The following PCDHGA4 variants were observed in gnomAD, a reference collection of about 807,000 sequenced individuals.
PCDHGA4 encodes the protein protocadherin gamma-A4.
In PCDHGA4, 38 loss-of-function variants were observed where a neutral mutation model predicts 54.6. The ratio of observed to expected loss-of-function variants is 0.70; its 90% CI spans 0.54 to 0.91. PCDHGA4 has a LOEUF of 0.91. Among genes scored for constraint, PCDHGA4 ranks in the 40% least tolerant of loss-of-function variants. The pLI, the probability that PCDHGA4 is intolerant of heterozygous loss-of-function variation, is 0.00. For missense variants in PCDHGA4, 1,298 were observed against 1,220.9 expected (o/e 1.06, Z -0.94); for synonymous variants, 511 against 512.9 (o/e 1.00, Z 0.05).
At position 141,486,254 on chromosome 5, in the gene PCDHGA4, G is replaced by A. The variant is rs2099626723; in HGVS notation, c.2515-8553G>A. ...GACCTCAGAGCTTGGAACCCTCCCCGAGAGTGCAGAACCTGGCACTGTGGT... is the reference window on the plus strand; with the variant it reads ...GACCTCAGAGCTTGGAACCCTCCCCAAGAGTGCAGAACCTGGCACTGTGGT... On this transcript the variant is annotated intron_variant, in intron 1 of 3. Transcript: ENST00000571252. This position sits in a 1 kb window ranked among gnomAD's most constrained non-coding sequence, Gnocchi z 5.0. The A allele has an allele frequency of 1.2e-6, 2 of 1,613,992 alleles. No individual in the cohort carries two copies. Among genetic ancestry groups the A allele is most frequent in the Non-Finnish European group, 1.7e-6 (2 of 1,179,982 alleles).
At chr5:141,390,051 A>G in intron 1 of PCDHGA4, 1 of 1,613,978 alleles carries the variant, frequency 6.2e-7, no homozygotes, top group Non-Finnish European at 8.5e-7. Context: ...CGCCTCCTGG[A>G]GCTGCTTCCA....
intron 1 of PCDHGA4, chr5:141,478,557 G>A (rs1316386006): frequency 1.2e-6 from 2 of 1,600,016 alleles, no homozygotes; most frequent in Non-Finnish European, 1.7e-6. Context: ...GTAAGGTTTA[G>A]CAAGTCATGC....
intron 1 of PCDHGA4, among the ~76,000 whole-genome samples, chr5:141,488,351 C>G (rs1467834410): frequency 6.6e-6 from 1 of 152,132 alleles, no homozygotes; most frequent in African/African-American, 2.4e-5. Context: ...AAACAGCCAC[C>G]CTGTGCATCT....
rs779183487 is a variant in PCDHGA4, at chr5:141,430,845, C to T, written c.2515-63962C>T. ...GGGACTCTGTGGGAGACCGGATGCA[C>T]CCAGATACGCTATTCAGTTCCGGAA... On this transcript the variant is annotated intron_variant, in intron 1 of 3. Coordinates refer to ENST00000571252, the MANE Select transcript of PCDHGA4 (RefSeq NM_018917.4). 27 of 1,575,514 alleles carry T rather than the reference C, an allele frequency of 1.7e-5. No individual in the cohort carries two copies. In the African/African-American group the frequency reaches 3.7e-4, roughly 21 times the overall value.
chr5:141,425,695 T>C (rs1329762653), intron 1 of PCDHGA4, among the ~76,000 whole-genome samples: 1 of 152,232 alleles, frequency 6.6e-6, no homozygotes, highest in Non-Finnish European at 1.5e-5. Context: ...TATCATTTCA[T>C]AGTGGTCAAA....
In PCDHGA4 at chr5:141,490,654, C is replaced by A; in HGVS notation, c.2515-4153C>A. On this transcript the variant is annotated intron_variant, in intron 1 of 3. Transcript: ENST00000571252. The surrounding 1 kb of genome is among the most constrained non-coding windows in gnomAD (Gnocchi z 5.4). ...CCTAGAAAACCGGCCTCCGGGCTCC[C>A]TTCTTTGCACTGTGGCTGCCTCAGA... 6.2e-7 allele frequency: 1 copy of A among 1,614,206 alleles called. No individual in the cohort carries two copies. Among genetic ancestry groups the A allele is most frequent in the Non-Finnish European group, 8.5e-7 (1 of 1,180,014 alleles).
At chr5:141,430,985 G>T (rs773308629) in intron 1 of PCDHGA4, 4 of 1,613,780 alleles carry the variant, frequency 2.5e-6, no homozygotes, top group Non-Finnish European at 3.4e-6. Flanking sequence ...GCAGCTTTTC[G>T]CCCTGAATCC....
rs2099450974 is a variant in PCDHGA4 at position 141,478,361 on chromosome 5, G to A, written c.2515-16446G>A. 6 of 1,613,776 alleles carry A rather than the reference G, an allele frequency of 3.7e-6. No individual in the cohort carries two copies. The East Asian group carries it at 1.3e-4, about 36-fold the overall frequency. ...CTCCTTGCACGCGGACGCCGTGCGGGGAGGCCTGATGTCGCCGCACCTTTA... is the reference window on the plus strand; with the variant it reads ...CTCCTTGCACGCGGACGCCGTGCGGAGAGGCCTGATGTCGCCGCACCTTTA... On this transcript the variant is annotated intron_variant, in intron 1 of 3. Coordinates refer to ENST00000571252, the MANE Select transcript of PCDHGA4 (RefSeq NM_018917.4).
Position 141,355,849 on chromosome 5 carries a change from G to A in PCDHGA4, c.742G>A (p.Gly248Arg), listed in dbSNP as rs375626682. 2 of 1,612,420 alleles carry A rather than the reference G, an allele frequency of 1.2e-6. No homozygotes were observed. The highest frequency in any genetic ancestry group is 4.5e-5 in the East Asian group (2 of 44,832). Residue 248 changes from glycine (G) to arginine (R), a missense_variant, in exon 1 of 4, where the codon GGA (glycine) becomes AGA (arginine). By Grantham distance (125) the Gly-to-Arg change is moderately radical. Coordinates refer to ENST00000571252, the MANE Select transcript of PCDHGA4 (RefSeq NM_018917.4). Reference protein sequence around the residue: ...VHHLVLTAFDGGDPVRSGTAR... With the variant: ...VHHLVLTAFDRGDPVRSGTAR... Reference sequence around the variant, plus strand: ...CCACCTCGTTCTCACGGCCTTCGATGGAGGTGACCCGGTTCGCTCTGGCAC... The same window carrying A: ...CCACCTCGTTCTCACGGCCTTCGATAGAGGTGACCCGGTTCGCTCTGGCAC...
At chr5:141,408,974 G>T (rs899313364) in intron 1 of PCDHGA4, 1 of 1,613,690 alleles carries the variant, frequency 6.2e-7, no homozygotes, top group South Asian at 1.1e-5. Flanking sequence ...TCTGCCCCCT[G>T]GGTCCCCTGT....
chr5:141,471,046 C>CTT (rs1170588345), intron 1 of PCDHGA4, among the ~76,000 whole-genome samples: 26 of 113,248 alleles, frequency 2.3e-4, no homozygotes, highest in Non-Finnish European at 3.0e-4. Context: ...CCCAAGCCCT[C>CTT]TTTTTTTTTT....
Position 141,431,559 on chromosome 5 carries a change from C to A in PCDHGA4, c.2515-63248C>A. On this transcript the variant is annotated intron_variant, in intron 1 of 3. Coordinates refer to ENST00000571252, the MANE Select transcript of PCDHGA4 (RefSeq NM_018917.4). The surrounding 1 kb of genome is among the most constrained non-coding windows in gnomAD (Gnocchi z 4.8). ...ACGCAGCTGCTTGTAGTCAACGCTA[C>A]CGACCCTGACGAAGGAGTCAATGCG... is the stretch of plus-strand genomic sequence containing the variant. 6.2e-7 allele frequency: 1 copy of A among 1,614,158 alleles called. No homozygotes were observed. The highest frequency in any genetic ancestry group is 8.5e-7 in the Non-Finnish European group (1 of 1,180,030).
chr5:141,498,306 A>C (rs2099783027), intron 2 of PCDHGA4, among the ~76,000 whole-genome samples: 1 of 151,810 alleles, frequency 6.6e-6, no homozygotes, highest in African/African-American at 2.4e-5. Flanking sequence ...TCTGGGTCAC[A>C]CTGCCTACAC....
At chr5:141,475,828 C>T (rs1319658902) in intron 1 of PCDHGA4, 1 of 387,614 alleles carries the variant, frequency 2.6e-6, no homozygotes, top group Admixed American at 4.3e-5. Context: ...GGCGCTAGCG[C>T]GTGTCCTGCT....
At chr5:141,362,131 G>A in intron 1 of PCDHGA4, 2 of 1,614,048 alleles carry the variant, frequency 1.2e-6, no homozygotes, top group Non-Finnish European at 1.7e-6. Flanking sequence ...AATCTTCGCG[G>A]ATAGCCTGCA....
At position 141,384,374 on chromosome 5, in the gene PCDHGA4, C is replaced by T; in HGVS notation, c.2514+26753C>T. 3.1e-6 allele frequency: 5 copies of T among 1,613,920 alleles called. No individual in the cohort carries two copies. In the South Asian group the frequency reaches 5.5e-5, roughly 18 times the overall value. ...AATGCCCAGATCACTTATTCCTTGG[C>T]CGAAGACACCATCCAGGGGGCTCCA... is the stretch of plus-strand genomic sequence containing the variant. On this transcript the variant is annotated intron_variant, in intron 1 of 3. Transcript: ENST00000571252.
intron 1 of PCDHGA4, among the ~76,000 whole-genome samples, chr5:141,465,592 A>G (rs1485357197): frequency 6.6e-6 from 1 of 152,046 alleles, no homozygotes; most frequent in Non-Finnish European, 1.5e-5. Flanking sequence ...TAATAATCAG[A>G]TCTTATCACT....
chr5:141,366,634 G>T, intron 1 of PCDHGA4: 1 of 1,614,220 alleles, frequency 6.2e-7, no homozygotes, highest in African/African-American at 1.3e-5. Context: ...AGAGTCACCT[G>T]ATCTTTCCCC....
At position 141,394,009 on chromosome 5, in the gene PCDHGA4, G is replaced by C. The variant is rs1554094356; in HGVS notation, c.2514+36388G>C. The C allele has an allele frequency of 1.2e-6, 2 of 1,613,394 alleles. No homozygotes were observed. Among genetic ancestry groups the C allele is most frequent in the Admixed American group, 3.3e-5 (2 of 59,950 alleles). On this transcript the variant is annotated intron_variant, in intron 1 of 3. Coordinates refer to ENST00000571252, the MANE Select transcript of PCDHGA4 (RefSeq NM_018917.4). ...CCTTTTAAATTAGAAAAGTCAATAG[G>C]TAATTATTATAGATTAGTGACAAGG... is the stretch of plus-strand genomic sequence containing the variant.
Sources: allele counts gnomAD v4.1 joint callset (sites outside exome capture counted in the v4.1 genomes callset), GRCh38; gene constraint gnomAD v4.1.1; non-coding constraint Gnocchi (gnomAD v3.1); transcripts MANE v1.5; gene names NCBI Gene and HGNC (gene_info 2026-07-23, HGNC 2026-07-21).